The following ATAD2B variants were observed in gnomAD, a reference collection of about 807,000 sequenced individuals.
ATAD2B encodes ATPase family AAA domain containing 2B, also known as ATPase family AAA domain-containing protein 2B.
A neutral mutation model predicts 167.6 loss-of-function variants in ATAD2B; 40 were observed. The observed-to-expected ratio is 0.24, with a 90% CI of 0.19 to 0.31. The LOEUF (loss-of-function observed/expected upper bound fraction) is 0.31. Ranked by LOEUF, ATAD2B falls within the 10% of genes least tolerant of loss-of-function variation. The pLI is 1.00. For synonymous variants in ATAD2B, 579 were observed against 596.5 expected, an observed-to-expected ratio of 0.97 and a Z score of 0.43; for missense variants, 1,242 against 1,757.2, an observed-to-expected ratio of 0.71 and a Z score of 5.24.
chr2:23,896,885 C>G (rs1700225504), intron 1 of ATAD2B, among the ~76,000 whole-genome samples: 1 of 152,160 alleles, frequency 6.6e-6, no homozygotes. Flanking sequence ...GCATGTAATC[C>G]CAACACTTTG....
chr2:23,693,932 G>A, the ATAD2B span, among the ~76,000 whole-genome samples: 1 of 152,226 alleles, frequency 6.6e-6, no homozygotes, highest in Admixed American at 6.5e-5. Context: ...TGAGGGGACT[G>A]TGTTGGGTAA....
intron 6 of ATAD2B, among the ~76,000 whole-genome samples, chr2:23,883,060 G>C (rs1698185545): frequency 6.6e-6 from 1 of 151,880 alleles, no homozygotes; most frequent in Non-Finnish European, 1.5e-5. Context: ...GACTATTTGA[G>C]CTCACGAGAT....
At chr2:23,767,141 C>T (rs1369485060) in intron 22 of ATAD2B, among the ~76,000 whole-genome samples, 1 of 151,914 alleles carries the variant, frequency 6.6e-6, no homozygotes, top group African/African-American at 2.4e-5. Flanking sequence ...ACCTGCTCTA[C>T]CCTGACTCAT....
the ATAD2B span, among the ~76,000 whole-genome samples, chr2:23,736,699 G>C: frequency 1.6e-4 from 25 of 152,168 alleles, no homozygotes; most frequent in Non-Finnish European, 3.2e-4. Context: ...GTAGGTGCAA[G>C]ACAGTGGGTG....
intron 18 of ATAD2B, among the ~76,000 whole-genome samples, chr2:23,803,524 GA>G (rs1426353167): frequency 6.6e-6 from 1 of 152,182 alleles, no homozygotes; most frequent in Non-Finnish European, 1.5e-5. Flanking sequence ...TGTGGAGCCA[GA>G]AAATCAGAAA....
chr2:23,817,263 T>C (rs1484495449), intron 17 of ATAD2B, among the ~76,000 whole-genome samples: 1 of 152,204 alleles, frequency 6.6e-6, no homozygotes, highest in Non-Finnish European at 1.5e-5. Flanking sequence ...TGCCACCTGC[T>C]AGCAACAGGA....
At chr2:23,763,115 T>C (rs1036791479) in intron 23 of ATAD2B, among the ~76,000 whole-genome samples, 3 of 152,222 alleles carry the variant, frequency 2.0e-5, no homozygotes, top group Non-Finnish European at 2.9e-5. Flanking sequence ...TGGTTTATCT[T>C]TCCCTACAAA....
At chr2:23,889,697 A>G (rs970169293) in intron 2 of ATAD2B, among the ~76,000 whole-genome samples, 2 of 151,898 alleles carry the variant, frequency 1.3e-5, no homozygotes, top group Middle Eastern at 3.4e-3. Context: ...AGGCAGGTGG[A>G]TCACCTGAGG....
chr2:23,775,912 T>C (rs941538917), intron 22 of ATAD2B, among the ~76,000 whole-genome samples: 1 of 151,972 alleles, frequency 6.6e-6, no homozygotes, highest in African/African-American at 2.4e-5. Context: ...GGTCAAGAGA[T>C]CGAGACCATC....
chr2:23,679,635 C>T, the ATAD2B span, among the ~76,000 whole-genome samples: 1 of 142,772 alleles, frequency 7.0e-6, no homozygotes, highest in African/African-American at 2.5e-5. Context: ...TATGCCAGGC[C>T]CTGTGCTGAG....
At chr2:23,892,778 A>G (rs1247687047) in intron 2 of ATAD2B, among the ~76,000 whole-genome samples, 1 of 152,166 alleles carries the variant, frequency 6.6e-6, no homozygotes, top group Non-Finnish European at 1.5e-5. Flanking sequence ...CCAAGTGTAC[A>G]GTAAGTCTTA....
intron 1 of ATAD2B, among the ~76,000 whole-genome samples, chr2:23,910,385 T>C (rs1398305572): frequency 2.0e-5 from 3 of 147,902 alleles, no homozygotes; most frequent in Non-Finnish European, 4.5e-5. Flanking sequence ...TCCATGTTGG[T>C]CAGGCTGGTC....
chr2:23,733,005 A>G, the ATAD2B span, among the ~76,000 whole-genome samples: 531 of 152,342 alleles, frequency 3.5e-3, 3 homozygotes, highest in African/African-American at 0.012. Flanking sequence ...CATAGGGCCG[A>G]TATCAAAATT....
intron 18 of ATAD2B, among the ~76,000 whole-genome samples, chr2:23,799,346 G>T (rs1489602849): frequency 6.6e-6 from 1 of 151,986 alleles, no homozygotes; most frequent in Admixed American, 6.6e-5. Context: ...GCTGAGACAG[G>T]CAGATCACTT....
chr2:23,897,958 A>C (rs977618441), intron 1 of ATAD2B, among the ~76,000 whole-genome samples: 1 of 152,184 alleles, frequency 6.6e-6, no homozygotes, highest in African/African-American at 2.4e-5. Flanking sequence ...ATACACATAC[A>C]TATATACCTA....
chr2:23,875,756 A>C, intron 8 of ATAD2B, 73 bp downstream of exon 8: 13 of 964,778 alleles, frequency 1.3e-5, no homozygotes, highest in Non-Finnish European at 2.1e-5. Context: ...GTTAGTCACT[A>C]ATTAAAGAAA....
chr2:23,875,972 A>G, intron 7 of ATAD2B, 68 bp from the exon 8 acceptor site: 1 of 1,169,242 alleles, frequency 8.6e-7, no homozygotes, highest in Non-Finnish European at 1.2e-6. Context: ...TTAAAGGAGT[A>G]GAAATGACTT....
intron 1 of ATAD2B, among the ~76,000 whole-genome samples, chr2:23,905,488 C>T (rs369797605): frequency 7.2e-5 from 11 of 152,240 alleles, no homozygotes; most frequent in African/African-American, 2.6e-4. Flanking sequence ...TACACCACTG[C>T]ACTCCAGCTT....
chr2:23,925,758 T>C lies in ATAD2B; in HGVS notation c.216+797A>G, dbSNP rs1476576235. On this transcript the variant is annotated intron_variant, in intron 1 of 27. Coordinates refer to ENST00000238789, the MANE Select transcript of ATAD2B (RefSeq NM_017552.4). ...TGTCATTTTTGCAACTGCATGACTATGGTGTTCATTCACCTTTTGTAATAT... is the reference window on the plus strand; with the variant it reads ...TGTCATTTTTGCAACTGCATGACTACGGTGTTCATTCACCTTTTGTAATAT... 6.6e-5 allele frequency among the ~76,000 whole-genome samples: 10 copies of C among 152,372 alleles called. No individual in the cohort carries two copies. In the East Asian group the frequency reaches 1.9e-3, roughly 29 times the overall value.
Sources: gnomAD v4.1 joint callset for allele counts (sites outside exome capture counted in the v4.1 genomes callset) on GRCh38, gnomAD v4.1.1 for gene constraint, MANE v1.5 for transcripts, NCBI Gene and HGNC (gene_info 2026-07-23, HGNC 2026-07-21) for gene names.